Variants in NTM observed in about 807,000 individuals in gnomAD.
NTM encodes neurotrimin, also known as IgLON family member 2.
In NTM, 13 loss-of-function variants were observed where a neutral mutation model predicts 42.1. The ratio of observed to expected loss-of-function variants is 0.31; its 90% CI spans 0.20 to 0.49. NTM has a LOEUF of 0.49. NTM is among the 20% of genes least tolerant of loss of function. The pLI, the probability that NTM is intolerant of heterozygous loss-of-function variation, is 0.99. For synonymous variants in NTM, 187 were observed against 179.2 expected (o/e 1.04, Z -0.35); for missense variants, 373 against 452.8 (o/e 0.82, Z 1.60).
At chr11:131,946,683 A>G (rs1225583456) in intron 2 of NTM, among the ~76,000 whole-genome samples, 8 of 152,220 alleles carry the variant, frequency 5.3e-5, no homozygotes, top group Non-Finnish European at 1.2e-4. Flanking sequence ...CAAATGAAAT[A>G]TGTTCCATAT....
chr11:131,439,381 T>G (rs953063131), intron 1 of NTM, among the ~76,000 whole-genome samples: 13 of 152,224 alleles, frequency 8.5e-5, no homozygotes, highest in African/African-American at 3.1e-4. Context: ...AAGTTTCTGC[T>G]GCCTTTTGTT....
intron 2 of NTM, among the ~76,000 whole-genome samples, chr11:132,099,920 G>A (rs2061436503): frequency 6.6e-6 from 1 of 152,048 alleles, no homozygotes; most frequent in African/African-American, 2.4e-5. Flanking sequence ...AACACCCTGT[G>A]CTCTACCCCA....
At chr11:132,018,151 C>G (rs1233839066) in intron 2 of NTM, among the ~76,000 whole-genome samples, 9 of 151,746 alleles carry the variant, frequency 5.9e-5, no homozygotes, top group African/African-American at 1.9e-4. Flanking sequence ...CTCCCTCTCT[C>G]GTTTCCTGTC....
At chr11:131,601,637 A>T (rs952563369) in intron 1 of NTM, among the ~76,000 whole-genome samples, 1 of 151,648 alleles carries the variant, frequency 6.6e-6, no homozygotes. Context: ...CTGATTCCAC[A>T]GGGATTCCTG....
chr11:132,099,017 G>C (rs1481819213), intron 2 of NTM, among the ~76,000 whole-genome samples: 1 of 152,250 alleles, frequency 6.6e-6, no homozygotes, highest in East Asian at 1.9e-4. Context: ...CCAGAAGCTG[G>C]TCAGGAGCAC....
chr11:131,386,018 A>C (rs1439417943), intron 1 of NTM, among the ~76,000 whole-genome samples: 1 of 152,254 alleles, frequency 6.6e-6, no homozygotes, highest in Non-Finnish European at 1.5e-5. Context: ...AGGTATTTAT[A>C]CATGAATGTT....
intron 1 of NTM, among the ~76,000 whole-genome samples, chr11:131,498,778 G>A (rs547108081): frequency 1.3e-5 from 2 of 152,212 alleles, no homozygotes; most frequent in Non-Finnish European, 2.9e-5. Flanking sequence ...CTGCCAGGAG[G>A]GGGTGGCCAC....
chr11:131,752,065 T>C (rs991729603), intron 1 of NTM, among the ~76,000 whole-genome samples: 7 of 152,132 alleles, frequency 4.6e-5, no homozygotes, highest in African/African-American at 1.7e-4. Flanking sequence ...TAAGATACCA[T>C]TGCACACCTA....
intron 1 of NTM, among the ~76,000 whole-genome samples, chr11:131,810,328 T>C (rs1326537422): frequency 2.0e-5 from 3 of 152,176 alleles, no homozygotes; most frequent in Admixed American, 2.0e-4. Context: ...ACCTCAAAGA[T>C]GCCCTACCAT....
chr11:131,991,241 C>T (rs753228014), intron 2 of NTM, among the ~76,000 whole-genome samples: 1 of 151,944 alleles, frequency 6.6e-6, no homozygotes, highest in Admixed American at 6.6e-5. Context: ...TTGTTTTTTA[C>T]CTTCTTTCTT....
chr11:132,230,426 G>A (rs2087278581), intron 4 of NTM, among the ~76,000 whole-genome samples: 1 of 152,210 alleles, frequency 6.6e-6, no homozygotes, highest in Non-Finnish European at 1.5e-5. Context: ...AGTCAGAGGT[G>A]GAGATGGGAC....
intron 2 of NTM, among the ~76,000 whole-genome samples, chr11:132,041,209 G>GTT (rs2077140632): frequency 8.5e-6 from 1 of 117,390 alleles, no homozygotes; most frequent in African/African-American, 3.2e-5. Flanking sequence ...GTGTGTGTGT[G>GTT]TGAGAGAGAG....
chr11:131,871,653 C>T (rs373853181), intron 1 of NTM, among the ~76,000 whole-genome samples: 1 of 152,090 alleles, frequency 6.6e-6, no homozygotes, highest in Non-Finnish European at 1.5e-5. Flanking sequence ...TTGTTCTCTC[C>T]CTGTTAATCC....
At chr11:131,915,225 A>G (rs2056095946) in intron 2 of NTM, among the ~76,000 whole-genome samples, 1 of 152,196 alleles carries the variant, frequency 6.6e-6, no homozygotes. Flanking sequence ...TCAGGACTCC[A>G]TTCCTTGACT....
intron 1 of NTM, among the ~76,000 whole-genome samples, chr11:131,900,160 G>A (rs978345812): frequency 6.6e-6 from 1 of 152,210 alleles, no homozygotes; most frequent in Non-Finnish European, 1.5e-5. Context: ...GAAGGGTGAC[G>A]ACAACTCAGC....
chr11:131,624,268 G>A (rs939721478), intron 1 of NTM, among the ~76,000 whole-genome samples: 1 of 152,098 alleles, frequency 6.6e-6, no homozygotes, highest in Non-Finnish European at 1.5e-5. Flanking sequence ...TCATTCAGTG[G>A]CAACATGGCA....
At chr11:132,021,813 C>G (rs1395416234) in intron 2 of NTM, among the ~76,000 whole-genome samples, 1 of 152,202 alleles carries the variant, frequency 6.6e-6, no homozygotes, top group Non-Finnish European at 1.5e-5. Flanking sequence ...GAAGCACCTT[C>G]AAAGTGCGGA....
At chr11:131,751,374 A>C (rs2082496819) in intron 1 of NTM, among the ~76,000 whole-genome samples, 1 of 152,002 alleles carries the variant, frequency 6.6e-6, no homozygotes, top group Non-Finnish European at 1.5e-5. Context: ...GCGGATCACG[A>C]GGTCAGGGGA....
intron 1 of NTM, among the ~76,000 whole-genome samples, chr11:131,801,653 C>T (rs781750453): frequency 2.1e-4 from 32 of 152,056 alleles, no homozygotes; most frequent in Non-Finnish European, 4.4e-4. Context: ...GTTTGTATCC[C>T]GTGTCATCCT....
Sources: gnomAD v4.1 joint callset for allele counts (sites outside exome capture counted in the v4.1 genomes callset) on GRCh38, gnomAD v4.1.1 for gene constraint, MANE v1.5 for transcripts, NCBI Gene and HGNC (gene_info 2026-07-23, HGNC 2026-07-21) for gene names.